KHDRBS2: variants seen among roughly 807,000 people sequenced by gnomAD.
KHDRBS2 encodes KH domain-containing, RNA-binding, signal transduction-associated protein 2.
In KHDRBS2, 26 loss-of-function variants were observed where a neutral mutation model predicts 44.3. The ratio of observed to expected loss-of-function variants is 0.59; its 90% CI spans 0.43 to 0.81. The LOEUF (loss-of-function observed/expected upper bound fraction) is 0.81, where lower values mean the gene tolerates loss of function less well. KHDRBS2 is among the 40% of genes least tolerant of loss of function. KHDRBS2 has a pLI of 0.00. For synonymous variants in KHDRBS2, 194 were observed against 151.1 expected, an observed-to-expected ratio of 1.28 and a Z score of -2.08; for missense variants, 476 against 433.1, an observed-to-expected ratio of 1.10 and a Z score of -0.88.
At chr6:61,582,573 A>G in the KHDRBS2 span, among the ~76,000 whole-genome samples, 8 of 151,766 alleles carry the variant, frequency 5.3e-5, no homozygotes, top group African/African-American at 1.7e-4. Flanking sequence ...ATCATACAAA[A>G]TGTTCCAGAA....
At chr6:62,211,173 G>A (rs1489257011) in intron 1 of KHDRBS2, among the ~76,000 whole-genome samples, 1 of 151,986 alleles carries the variant, frequency 6.6e-6, no homozygotes, top group African/African-American at 2.4e-5. Context: ...CAGATAATCT[G>A]TACTCCTTAA....
chr6:61,909,035 C>G (rs527892099), intron 4 of KHDRBS2, among the ~76,000 whole-genome samples: 1 of 151,626 alleles, frequency 6.6e-6, no homozygotes, highest in African/African-American at 2.4e-5. Flanking sequence ...AAAGAATCTA[C>G]TGGGGCTTAA....
intron 6 of KHDRBS2, among the ~76,000 whole-genome samples, chr6:61,814,845 C>T (rs769299879): frequency 1.3e-5 from 2 of 151,844 alleles, no homozygotes; most frequent in Non-Finnish European, 2.9e-5. Context: ...TGTTCCTCAG[C>T]ATCTTTTGGG....
intron 1 of KHDRBS2, among the ~76,000 whole-genome samples, chr6:62,185,393 A>G (rs1388537307): frequency 1.3e-5 from 2 of 151,956 alleles, no homozygotes; most frequent in Non-Finnish European, 1.5e-5. Context: ...GTCCTAAGTC[A>G]TGGATCTCCC....
intron 3 of KHDRBS2, among the ~76,000 whole-genome samples, chr6:62,030,327 A>T (rs1784120928): frequency 6.6e-6 from 1 of 152,062 alleles, no homozygotes. Context: ...TCTTCAGAGA[A>T]GGTTAAATTT....
At chr6:62,266,941 T>G (rs1839303613) in intron 1 of KHDRBS2, among the ~76,000 whole-genome samples, 1 of 152,004 alleles carries the variant, frequency 6.6e-6, no homozygotes, top group Non-Finnish European at 1.5e-5. Flanking sequence ...TCTTTAGAAA[T>G]TAATAAGGTT....
intron 6 of KHDRBS2, among the ~76,000 whole-genome samples, chr6:61,775,761 G>A (rs1306648540): frequency 3.2e-4 from 48 of 152,240 alleles, no homozygotes; most frequent in African/African-American, 1.1e-3. Context: ...CAAGCTACCA[G>A]TGACTTTCTT....
At chr6:62,256,860 T>G (rs1452504466) in intron 1 of KHDRBS2, among the ~76,000 whole-genome samples, 1 of 152,044 alleles carries the variant, frequency 6.6e-6, no homozygotes, top group Non-Finnish European at 1.5e-5. Context: ...GCTAGTTACC[T>G]ATATTCCTTA....
At chr6:61,949,515 C>G (rs1487952701) in intron 4 of KHDRBS2, among the ~76,000 whole-genome samples, 2 of 152,012 alleles carry the variant, frequency 1.3e-5, no homozygotes, top group Non-Finnish European at 2.9e-5. Context: ...AAAGGCTATC[C>G]ATCTCTGTTT....
chr6:61,886,394 T>C (rs991698843), intron 6 of KHDRBS2, among the ~76,000 whole-genome samples: 1 of 152,160 alleles, frequency 6.6e-6, no homozygotes, highest in Non-Finnish European at 1.5e-5. Context: ...CTCTTCTCTC[T>C]GCTTCTAAAT....
chr6:62,075,483 G>T (rs1202314613), intron 2 of KHDRBS2, among the ~76,000 whole-genome samples: 1 of 151,884 alleles, frequency 6.6e-6, no homozygotes, highest in Non-Finnish European at 1.5e-5. Context: ...AATGGTCCTG[G>T]TTCAATTTTA....
intron 6 of KHDRBS2, among the ~76,000 whole-genome samples, chr6:61,762,331 G>T (rs573553306): frequency 1.3e-5 from 2 of 152,288 alleles, no homozygotes; most frequent in Admixed American, 6.5e-5. Context: ...GAACAGGGAT[G>T]GATTGTAGCC....
chr6:62,105,227 T>C lies in KHDRBS2; in HGVS notation c.220-57233A>G, dbSNP rs142737191. On this transcript the variant is annotated intron_variant, in intron 2 of 8. Transcript: ENST00000281156. ...AGAAGTAATGCTAATTCTACACCAA[T>C]TCTTCCAAAAAGTTGAAGTAGGGCA... 3.8e-3 allele frequency among the ~76,000 whole-genome samples: 585 copies of C among 152,282 alleles called. 2 individuals carry two copies. The highest frequency in any genetic ancestry group is 0.014 in the African/African-American group (566 of 41,578).
the KHDRBS2 span, among the ~76,000 whole-genome samples, chr6:61,588,821 G>C: frequency 6.6e-6 from 1 of 151,900 alleles, no homozygotes; most frequent in Non-Finnish European, 1.5e-5. Context: ...CAACCCAAAT[G>C]GCCATCAATA....
chr6:61,960,596 A>G (rs1022095873), intron 4 of KHDRBS2, among the ~76,000 whole-genome samples: 2 of 152,174 alleles, frequency 1.3e-5, no homozygotes, highest in African/African-American at 4.8e-5. Context: ...GTTTTATAGC[A>G]CAAGCACAAA....
At chr6:61,928,402 T>C (rs779944878) in intron 4 of KHDRBS2, among the ~76,000 whole-genome samples, 1 of 152,108 alleles carries the variant, frequency 6.6e-6, no homozygotes, top group Non-Finnish European at 1.5e-5. Flanking sequence ...ACTATTTTCA[T>C]GATAAAATTA....
intron 1 of KHDRBS2, among the ~76,000 whole-genome samples, chr6:62,237,190 A>G (rs1761025494): frequency 6.6e-6 from 1 of 152,206 alleles, no homozygotes; most frequent in African/African-American, 2.4e-5. Context: ...CGTGTTAAGA[A>G]GATAGAGGCT....
chr6:62,065,296 T>G (rs373534413), intron 2 of KHDRBS2, among the ~76,000 whole-genome samples: 12 of 151,888 alleles, frequency 7.9e-5, no homozygotes, highest in East Asian at 2.0e-4. Context: ...TATACCCAAA[T>G]GACTATAAAT....
At chr6:62,191,772 C>A (rs1420946088) in intron 1 of KHDRBS2, among the ~76,000 whole-genome samples, 1 of 152,006 alleles carries the variant, frequency 6.6e-6, no homozygotes, top group Non-Finnish European at 1.5e-5. Context: ...TTTATTTCCA[C>A]AAAACATGGT....
Sources: allele counts gnomAD v4.1 joint callset (sites outside exome capture counted in the v4.1 genomes callset), GRCh38; gene constraint gnomAD v4.1.1; transcripts MANE v1.5; gene names NCBI Gene and HGNC (gene_info 2026-07-23, HGNC 2026-07-21).